Variants in AGTPBP1 observed in about 807,000 individuals in gnomAD.
The protein encoded by AGTPBP1 is cytosolic carboxypeptidase 1.
In AGTPBP1, 70 loss-of-function variants were observed where a neutral mutation model predicts 143.9. The observed-to-expected ratio is 0.49, with a 90% CI of 0.40 to 0.59. The LOEUF (loss-of-function observed/expected upper bound fraction) is 0.59, where lower values mean the gene tolerates loss of function less well. Ranked by LOEUF, AGTPBP1 falls within the 20% of genes least tolerant of loss-of-function variation. The probability of loss-of-function intolerance (pLI) is 0.00; values close to 1 mark genes in which losing one functional copy is unlikely to be tolerated. For missense variants in AGTPBP1, 1,229 were observed against 1,464.5 expected, an observed-to-expected ratio of 0.84 and a Z score of 2.62; for synonymous variants, 463 against 500.2, an observed-to-expected ratio of 0.93 and a Z score of 0.99.
At chr9:85,712,168 G>C (rs960901818) in intron 2 of AGTPBP1, among the ~76,000 whole-genome samples, 2 of 152,064 alleles carry the variant, frequency 1.3e-5, no homozygotes, top group African/African-American at 4.8e-5. Context: ...CAGAGGCTGA[G>C]GCAGGAGAAT....
At chr9:85,695,667 T>A (rs1836179460) in intron 2 of AGTPBP1, among the ~76,000 whole-genome samples, 1 of 152,206 alleles carries the variant, frequency 6.6e-6, no homozygotes, top group Non-Finnish European at 1.5e-5. Flanking sequence ...AAATCATTTC[T>A]GCTGCACATT....
At chr9:85,583,505 A>G (rs1036261750) in intron 23 of AGTPBP1, among the ~76,000 whole-genome samples, 1 of 152,202 alleles carries the variant, frequency 6.6e-6, no homozygotes, top group African/African-American at 2.4e-5. Context: ...ACCTGTTAAC[A>G]TCTTGAGAAA....
intron 8 of AGTPBP1, among the ~76,000 whole-genome samples, chr9:85,663,618 G>GAA (rs530485264): frequency 5.0e-5 from 7 of 139,842 alleles, no homozygotes; most frequent in East Asian, 2.1e-4. Flanking sequence ...AATGATGGGG[G>GAA]AAAAAAAAAA....
chr9:85,595,482 A>G (rs1434077690), intron 18 of AGTPBP1, among the ~76,000 whole-genome samples: 2 of 152,160 alleles, frequency 1.3e-5, no homozygotes, highest in Non-Finnish European at 2.9e-5. Flanking sequence ...GAATAATCAA[A>G]CTATTCCACA....
chr9:85,605,577 CTACACAGAAA>C (rs1829942304), intron 17 of AGTPBP1, among the ~76,000 whole-genome samples: 2 of 152,050 alleles, frequency 1.3e-5, no homozygotes, highest in South Asian at 4.1e-4. Flanking sequence ...GTAATAATAA[CTACACAGAAA>C]TACACAGAAT....
intron 23 of AGTPBP1, among the ~76,000 whole-genome samples, chr9:85,581,181 G>C (rs756818846): frequency 2.5e-4 from 38 of 152,170 alleles, no homozygotes; most frequent in Non-Finnish European, 5.4e-4. Context: ...GCTGCAGTAG[G>C]TTACCGAAAA....
chr9:85,778,372 C>A, the AGTPBP1 span, among the ~76,000 whole-genome samples: 3 of 152,150 alleles, frequency 2.0e-5, no homozygotes, highest in Non-Finnish European at 4.4e-5. Context: ...GATGGCGGGG[C>A]CTTGCTCCAA....
At chr9:85,770,980 GT>G in the AGTPBP1 span, among the ~76,000 whole-genome samples, 1 of 152,232 alleles carries the variant, frequency 6.6e-6, no homozygotes, top group South Asian at 2.1e-4. Context: ...TAACCTGAAT[GT>G]GCTTAAATCA....
chr9:85,757,806 A>G, the AGTPBP1 span, among the ~76,000 whole-genome samples: 1 of 152,206 alleles, frequency 6.6e-6, no homozygotes, highest in Non-Finnish European at 1.5e-5. Flanking sequence ...ATAAAGATGA[A>G]AACAGGGCAT....
chr9:85,705,632 T>C (rs188129527), intron 2 of AGTPBP1, among the ~76,000 whole-genome samples: 5 of 152,318 alleles, frequency 3.3e-5, no homozygotes, highest in South Asian at 2.1e-4. Context: ...GTCTATAACA[T>C]AGGTAACAGT....
Position 85,632,755 on chromosome 9 carries a change from G to A in AGTPBP1, c.1922C>T (p.Pro641Leu). 1.2e-6 allele frequency: 2 copies of A among 1,614,104 alleles called. No individual in the cohort carries two copies. The highest frequency in any genetic ancestry group is 2.2e-5 in the East Asian group (1 of 44,874). Reference protein sequence around the residue: ...IEIVKNTKSVPEYSEVAYPDY... With the variant: ...IEIVKNTKSVLEYSEVAYPDY... ...GGGATAAGCCACCTCTGAATATTCT[G>A]GGACAGACTTCGTATTTTTCACAAT... The change falls in exon 14 of 26, where the codon CCA becomes CTA. Residue 641 changes from proline (P) to leucine (L), a missense_variant. By Grantham distance (98) the Pro-to-Leu change is moderately conservative (BLOSUM62 -3). Transcript: ENST00000357081.
chr9:85,719,780 T>A (rs1415121016), intron 1 of AGTPBP1, among the ~76,000 whole-genome samples: 1 of 152,220 alleles, frequency 6.6e-6, no homozygotes, highest in Non-Finnish European at 1.5e-5. Context: ...CCATCCAGTA[T>A]GATATTGGCT....
the AGTPBP1 span, among the ~76,000 whole-genome samples, chr9:85,789,402 T>C: frequency 6.6e-6 from 1 of 152,350 alleles, no homozygotes; most frequent in Non-Finnish European, 1.5e-5. Flanking sequence ...ATTGCCCTTT[T>C]GCATGTATAT....
rs758791064 is a variant in AGTPBP1 at position 85,633,162 on chromosome 9, A to T, written c.1515T>A (p.Asn505Lys). Reference sequence around the variant, plus strand: ...CTGGCTGCTGTTGTAATGTTCTATCATTATCTTTAATATCTTCTTTTGCTA... The same window carrying T: ...CTGGCTGCTGTTGTAATGTTCTATCTTTATCTTTAATATCTTCTTTTGCTA... ...MDLAKEDIKD[N>K]DRTLQQQPGD... Residue 505 changes from asparagine to lysine, a missense_variant, in exon 14 of 26, where the codon AAT (asparagine) becomes AAA (lysine). Physicochemically the swap from Asn to Lys is moderately conservative, Grantham distance 94 (BLOSUM62 0). This residue lies in a region of AGTPBP1 where 743 missense variants were observed against 812.2 expected (regional missense o/e 0.91). Coordinates refer to ENST00000357081, the MANE Select transcript of AGTPBP1 (RefSeq NM_001330701.2). 4 of 1,613,590 alleles carry T rather than the reference A, an allele frequency of 2.5e-6. No homozygotes were observed. Among genetic ancestry groups the T allele is most frequent in the Non-Finnish European group, 3.4e-6 (4 of 1,179,870 alleles).
the AGTPBP1 span, chr9:85,781,453 T>C: frequency 1.5e-6 from 2 of 1,340,066 alleles, no homozygotes; most frequent in Non-Finnish European, 2.0e-6. Context: ...CCTTTACCAA[T>C]TGATTGGGTT....
At chr9:85,700,230 A>T (rs1472700976) in intron 2 of AGTPBP1, among the ~76,000 whole-genome samples, 1 of 152,218 alleles carries the variant, frequency 6.6e-6, no homozygotes, top group East Asian at 1.9e-4. Context: ...TACTACCAAA[A>T]CGAACAACTC....
At chr9:85,589,249 G>A (rs904352548) in intron 20 of AGTPBP1, among the ~76,000 whole-genome samples, 6 of 151,520 alleles carry the variant, frequency 4.0e-5, no homozygotes, top group African/African-American at 1.5e-4. Context: ...AAAATAATTT[G>A]TTGTATTCTA....
At chr9:85,548,803 T>C (rs1357479298) in intron 25 of AGTPBP1, among the ~76,000 whole-genome samples, 1 of 151,872 alleles carries the variant, frequency 6.6e-6, no homozygotes, top group Admixed American at 6.6e-5. Flanking sequence ...GCCTCCTGAC[T>C]AGCTGGGACT....
At chr9:85,694,596 G>A (rs529268880) in intron 2 of AGTPBP1, among the ~76,000 whole-genome samples, 3 of 151,908 alleles carry the variant, frequency 2.0e-5, no homozygotes, top group East Asian at 3.9e-4. Flanking sequence ...CTCTATACTC[G>A]CCTGATTTTC....
Sources: gnomAD v4.1 joint callset for allele counts (sites outside exome capture counted in the v4.1 genomes callset) on GRCh38, gnomAD v4.1.1 for gene constraint, gnomAD v4.1.1 regional missense constraint, MANE v1.5 for transcripts, NCBI Gene and HGNC (gene_info 2026-07-23, HGNC 2026-07-21) for gene names.